SIRPA: variants seen among roughly 807,000 people sequenced by gnomAD.
SIRPA encodes tyrosine-protein phosphatase non-receptor type substrate 1.
In SIRPA, 9 loss-of-function variants were observed where a neutral mutation model predicts 50.3. The observed-to-expected ratio is 0.18, with a 90% confidence interval of 0.11 to 0.31. SIRPA has a LOEUF of 0.31. Ranked by LOEUF, SIRPA falls within the 10% of genes least tolerant of loss-of-function variation. SIRPA has a pLI of 1.00. For missense variants in SIRPA, 474 were observed against 661.6 expected (o/e 0.72, Z 3.11); for synonymous variants, 265 against 284.1 (o/e 0.93, Z 0.68).
At chr20:1,907,875 C>G (rs186762176) in intron 1 of SIRPA, among the ~76,000 whole-genome samples, 4 of 152,346 alleles carry the variant, frequency 2.6e-5, no homozygotes, top group Admixed American at 6.5e-5. Context: ...TTCTTGGGAA[C>G]TGTGGCATCC....
chr20:1,925,029 C>T, intron 5 of SIRPA, 152 bp downstream of exon 5: 1 of 654,250 alleles, frequency 1.5e-6, no homozygotes, highest in East Asian at 2.7e-5. Flanking sequence ...AGTGGCCTCA[C>T]CATGTTAGAG....
intron 1 of SIRPA, among the ~76,000 whole-genome samples, chr20:1,911,962 C>T (rs6111940): frequency 1.0e-4 from 15 of 149,340 alleles, no homozygotes; most frequent in African/African-American, 3.4e-4. Flanking sequence ...AAAAAAAAAA[C>T]CCCTCTCTAC....
In SIRPA at chr20:1,920,339, A is replaced by C. The variant is rs572796519; in HGVS notation, c.437-1056A>C. 9.8e-5 allele frequency among the ~76,000 whole-genome samples: 15 copies of C among 152,310 alleles called. No individual in the cohort carries two copies. The South Asian group carries it at 2.9e-3, about 29-fold the overall frequency. ...TCAAAATGTTTGATGGGTGTGAGGGAGAAGTTAATATTTACAAATGCAAGT... is the reference window on the plus strand; with the variant it reads ...TCAAAATGTTTGATGGGTGTGAGGGCGAAGTTAATATTTACAAATGCAAGT... On this transcript the variant is annotated intron_variant, in intron 2 of 7. Transcript: ENST00000358771.
At chr20:1,912,461 CTTCA>C (rs1439506124) in intron 1 of SIRPA, among the ~76,000 whole-genome samples, 1 of 152,264 alleles carries the variant, frequency 6.6e-6, no homozygotes, top group Admixed American at 6.5e-5. Flanking sequence ...TCCTTCCTTC[CTTCA>C]TTCATTACCG....
intron 2 of SIRPA, among the ~76,000 whole-genome samples, chr20:1,917,492 A>G (rs547078023): frequency 2.0e-5 from 3 of 152,310 alleles, no homozygotes; most frequent in East Asian, 3.9e-4. Flanking sequence ...GTGAGCCGAG[A>G]TCGCACCACT....
rs1986336006 is a variant in SIRPA at position 1,932,214 on chromosome 20, G to C, written c.1227-2501G>C. ...TGTCCGCTGAGGAGACAGGTTACCA[G>C]ACAAGCTGGAAAGTTAATAAGGGAT... On this transcript the variant is annotated intron_variant, in intron 6 of 7. Coordinates refer to ENST00000358771, the MANE Select transcript of SIRPA (RefSeq NM_001040023.2). This position sits in a 1 kb window ranked among gnomAD's most constrained non-coding sequence, Gnocchi z 6.0. 6.6e-6 allele frequency among the ~76,000 whole-genome samples: 1 copy of C among 152,224 alleles called. No individual in the cohort carries two copies. The highest frequency in any genetic ancestry group is 1.5e-5 in the Non-Finnish European group (1 of 68,042).
intron 1 of SIRPA, among the ~76,000 whole-genome samples, chr20:1,899,492 A>C (rs978763995): frequency 6.6e-6 from 1 of 152,200 alleles, no homozygotes; most frequent in Non-Finnish European, 1.5e-5. Context: ...GCCCGTTAGC[A>C]TGTGGCCTCT....
At chr20:1,912,352 G>A (rs1366750749) in intron 1 of SIRPA, among the ~76,000 whole-genome samples, 4 of 152,158 alleles carry the variant, frequency 2.6e-5, no homozygotes, top group Non-Finnish European at 4.4e-5. Flanking sequence ...GCTGAGTCCC[G>A]GGCTCCGGGC....
At position 1,937,293 on chromosome 20, in the gene SIRPA, C is replaced by CT. The variant is rs750788266; in HGVS notation, c.1267-24dup. ...GGGCTATAGAATGACCTTCTCATGACTTTCTCTTTGGGTATCTTAAATCCA... is the reference window on the plus strand; with the variant it reads ...GGGCTATAGAATGACCTTCTCATGACTTTTCTCTTTGGGTATCTTAAATCCA... On this transcript the variant is annotated intron_variant, in intron 7 of 7. Transcript: ENST00000358771. This position sits in a 1 kb window ranked among gnomAD's most constrained non-coding sequence, Gnocchi z 8.3. 1.4e-5 allele frequency: 22 copies of CT among 1,602,398 alleles called. No individual in the cohort carries two copies. In the African/African-American group the frequency reaches 2.9e-4, roughly 21 times the overall value.
At position 1,924,912 on chromosome 20, in the gene SIRPA, G is replaced by A. The variant is rs925387711; in HGVS notation, c.1201+35G>A. On this transcript the variant is annotated intron_variant, in intron 5 of 7. Coordinates refer to ENST00000358771, the MANE Select transcript of SIRPA (RefSeq NM_001040023.2). The surrounding 1 kb of genome is among the most constrained non-coding windows in gnomAD (Gnocchi z 4.5). ...TTCCCCTCTTCCTCCCTAAGGGTTT[G>A]TCCCTGGACTGTCCTCGGAGGGAGA... is the stretch of plus-strand genomic sequence containing the variant. 6.5e-7 allele frequency: 1 copy of A among 1,549,422 alleles called. No homozygotes were observed.
At chr20:1,908,296 A>T (rs1984666664) in intron 1 of SIRPA, among the ~76,000 whole-genome samples, 1 of 151,938 alleles carries the variant, frequency 6.6e-6, no homozygotes, top group Non-Finnish European at 1.5e-5. Flanking sequence ...TTGTCAATGC[A>T]CACACCCTCA....
At position 1,898,685 on chromosome 20, in the gene SIRPA, T is replaced by C. The variant is rs1161174380; in HGVS notation, c.79+3159T>C. On this transcript the variant is annotated intron_variant, in intron 1 of 7. Transcript: ENST00000358771. This position sits in a 1 kb window ranked among gnomAD's most constrained non-coding sequence, Gnocchi z 4.3. The stretch of plus-strand genomic sequence containing the variant: ...CAATGACTTAATCAGGATGATTTAG[T>C]CCAAGCTGGAGAGGGAGTGAGAGAG... Among the ~76,000 whole-genome samples, 5 of 152,040 alleles carry C rather than the reference T, an allele frequency of 3.3e-5. No individual in the cohort carries two copies. The highest frequency in any genetic ancestry group is 9.6e-5 in the African/African-American group (4 of 41,494).
At chr20:1,917,303 G>T (rs1985362788) in intron 2 of SIRPA, among the ~76,000 whole-genome samples, 1 of 152,154 alleles carries the variant, frequency 6.6e-6, no homozygotes, top group Admixed American at 6.5e-5. Context: ...AGCCAGTGGG[G>T]GAGCCAAGGT....
At position 1,903,011 on chromosome 20, in the gene SIRPA, C is replaced by CAAAAA. The variant is rs58735842; in HGVS notation, c.79+7502_79+7506dup. On this transcript the variant is annotated intron_variant, in intron 1 of 7. Transcript: ENST00000358771. ...TGGGTGACAGAGCAAGACTCTGTCT[C>CAAAAA]AAAAAAAAAAAAAAAAAAAAAGAAA... Among the ~76,000 whole-genome samples, 821 of 89,500 alleles carry CAAAAA rather than the reference C, an allele frequency of 9.2e-3. 23 individuals carry two copies. The highest frequency in any genetic ancestry group is 0.022 in the African/African-American group (517 of 23,566). 58.7% of individuals were successfully genotyped at this position (89,500 alleles called of 152,430 possible).
At chr20:1,894,638 A>T (rs1983645994), upstream of SIRPA, 1 of 150,272 alleles carries the variant, frequency 6.7e-6, no homozygotes, top group Admixed American at 6.6e-5. This position sits in a 1 kb window ranked among gnomAD's most constrained non-coding sequence, Gnocchi z 4.0. Flanking sequence ...CCCGAGCCCC[A>T]GCGGGCCGCG....
upstream of SIRPA, chr20:1,894,870 A>G (rs1226081248): frequency 7.0e-6 from 1 of 142,708 alleles, no homozygotes; most frequent in Non-Finnish European, 1.5e-5. The surrounding 1 kb of genome is among the most constrained non-coding windows in gnomAD (Gnocchi z 4.0). Context: ...GGAAGGAGGG[A>G]GGGGGTCGGG....
rs1983991858 is a variant in SIRPA at position 1,898,901 on chromosome 20, G to A, written c.79+3375G>A. 2.0e-5 allele frequency among the ~76,000 whole-genome samples: 3 copies of A among 152,076 alleles called. No homozygotes were observed. Among genetic ancestry groups the A allele is most frequent in the Admixed American group, 1.3e-4 (2 of 15,278 alleles). ...GAGAGCCCCCCATCTGGGCTGCTGA[G>A]CTCTGGAGCCCCCAGAGCTGGAATA... On this transcript the variant is annotated intron_variant, in intron 1 of 7. Coordinates refer to ENST00000358771, the MANE Select transcript of SIRPA (RefSeq NM_001040023.2). The surrounding 1 kb of genome is among the most constrained non-coding windows in gnomAD (Gnocchi z 4.3).
At position 1,934,588 on chromosome 20, in the gene SIRPA, G is replaced by C; in HGVS notation, c.1227-127G>C. 1.2e-6 allele frequency: 1 copy of C among 811,996 alleles called. No individual in the cohort carries two copies. The highest frequency in any genetic ancestry group is 2.0e-6 in the Non-Finnish European group (1 of 496,498). 50.3% of individuals were successfully genotyped at this position (811,996 alleles called of 1,614,324 possible). ...ACATTTGATATGCAGTTGTATTTCT[G>C]TTATGAGTCCTTCGTTCATGTCCTC... On this transcript the variant is annotated intron_variant, in intron 6 of 7. Coordinates refer to ENST00000358771, the MANE Select transcript of SIRPA (RefSeq NM_001040023.2). This position sits in a 1 kb window ranked among gnomAD's most constrained non-coding sequence, Gnocchi z 4.6.
chr20:1,897,457 G>A (rs1983899290), intron 1 of SIRPA, among the ~76,000 whole-genome samples: 1 of 152,234 alleles, frequency 6.6e-6, no homozygotes, highest in Admixed American at 6.5e-5. Flanking sequence ...CCTGGGCAGG[G>A]AAGTCACCTG....
Sources: allele counts gnomAD v4.1 joint callset (sites outside exome capture counted in the v4.1 genomes callset), GRCh38; gene constraint gnomAD v4.1.1; non-coding constraint Gnocchi (gnomAD v3.1); transcripts MANE v1.5; gene names NCBI Gene and HGNC (gene_info 2026-07-23, HGNC 2026-07-21).